Variants in MICAL2 observed in about 807,000 individuals in gnomAD.
The protein encoded by MICAL2 is microtubule associated monooxygenase, calponin and LIM domain containing 2.
A neutral mutation model predicts 127.3 loss-of-function variants in MICAL2; 77 were observed. The observed-to-expected ratio is 0.60, with a 90% CI of 0.50 to 0.73. The LOEUF (loss-of-function observed/expected upper bound fraction) is 0.73, where lower values mean the gene tolerates loss of function less well. MICAL2 is among the 30% of genes least tolerant of loss of function. The probability of loss-of-function intolerance (pLI) is 0.00; values close to 1 mark genes in which losing one functional copy is unlikely to be tolerated. For missense variants in MICAL2, 1,351 were observed against 1,434.4 expected, an observed-to-expected ratio of 0.94 and a Z score of 0.94; for synonymous variants, 570 against 551.1, an observed-to-expected ratio of 1.03 and a Z score of -0.48.
At chr11:12,251,904 G>A (rs1181079892) in intron 22 of MICAL2, among the ~76,000 whole-genome samples, 3 of 152,168 alleles carry the variant, frequency 2.0e-5, no homozygotes, top group Admixed American at 6.5e-5. Flanking sequence ...TCTCATTAGG[G>A]ATTTGTATTA....
chr11:12,134,703 A>G (rs1851699869), intron 1 of MICAL2, among the ~76,000 whole-genome samples: 1 of 152,182 alleles, frequency 6.6e-6, no homozygotes. Context: ...AATGAGCTTA[A>G]GCAAAAATGG....
rs1854925433 is a variant in MICAL2 at position 12,162,403 on chromosome 11, C to G, written c.248C>G (p.Ser83Trp). The G allele has an allele frequency of 6.2e-7, 1 of 1,614,070 alleles. No homozygotes were observed. Among genetic ancestry groups the G allele is most frequent in the Non-Finnish European group, 8.5e-7 (1 of 1,180,036 alleles). The part of the protein sequence containing the change: ...GSHKEYKRGK[S>W]CTNTKCLIVG... The stretch of plus-strand genomic sequence containing the variant: ...CACAAAGAGTATAAGCGAGGGAAGT[C>G]GTGCACGAACACCAAGGTAAGGGGA... Residue 83 changes from serine to tryptophan, a missense_variant, in exon 3 of 28, where the codon TCG becomes TGG. Physicochemically the swap from Ser to Trp is radical, Grantham distance 177. Around this residue, in one of 2 missense-constraint regions of MICAL2, gnomAD observed 599 missense variants for 714.9 expected, o/e 0.84. Coordinates refer to ENST00000683283, the MANE Select transcript of MICAL2 (RefSeq NM_001282663.2).
exon 1 of MICAL2, chr11:12,276,152 C>T: frequency 5.0e-6 from 2 of 399,198 alleles, no homozygotes; most frequent in Non-Finnish European, 8.8e-6. Flanking sequence ...TCCTGGTCAC[C>T]AGCGAAGACA....
chr11:12,286,340 G>A (rs2134773365), intron 2 of MICAL2, among the ~76,000 whole-genome samples: 1 of 152,304 alleles, frequency 6.6e-6, no homozygotes, highest in Middle Eastern at 3.4e-3. Context: ...AGCAGCTCCA[G>A]TTTTTAATGT....
chr11:12,260,908 T>C, intron 26 of MICAL2: 1 of 985,438 alleles, frequency 1.0e-6, no homozygotes, highest in South Asian at 4.7e-5. Context: ...AAACATGCAT[T>C]TTCCCTTCCC....
intron 3 of MICAL2, among the ~76,000 whole-genome samples, chr11:12,181,186 C>T (rs865841418): frequency 6.6e-6 from 1 of 152,164 alleles, no homozygotes; most frequent in South Asian, 2.1e-4. Context: ...TCAGGTGGTC[C>T]ACCCACCTTG....
At chr11:12,124,969 T>C (rs1182557812) in intron 1 of MICAL2, among the ~76,000 whole-genome samples, 1 of 152,264 alleles carries the variant, frequency 6.6e-6, no homozygotes, top group Non-Finnish European at 1.5e-5. Flanking sequence ...TTGTGGGAAT[T>C]AGGGAACTAG....
In MICAL2 at chr11:12,262,254, A is replaced by G. The variant is rs140764263; in HGVS notation, c.3335-226A>G. On this transcript the variant is annotated intron_variant, in intron 26 of 27. Coordinates refer to ENST00000683283, the MANE Select transcript of MICAL2 (RefSeq NM_001282663.2). Reference sequence around the variant, plus strand: ...GAGAGGATATCAGGGAGCAAGATGCAAACTGTGTGCATCCACTCTCGTAAA... The same window carrying G: ...GAGAGGATATCAGGGAGCAAGATGCGAACTGTGTGCATCCACTCTCGTAAA... The G allele has an allele frequency of 3.9e-3, 5,468 of 1,409,052 alleles. 9 individuals are homozygous for G. Among genetic ancestry groups the G allele is most frequent in the Admixed American group, 6.0e-3 (200 of 33,568 alleles). The allele number at this position is 1,409,052 out of a possible 1,614,324, so 87.3% of individuals were successfully genotyped here.
chr11:12,339,789 C>T (rs1938829406), intron 32 of MICAL2, among the ~76,000 whole-genome samples: 1 of 152,166 alleles, frequency 6.6e-6, no homozygotes. Flanking sequence ...ATGCTGCTGC[C>T]TGATCGTTCC....
intron 3 of MICAL2, among the ~76,000 whole-genome samples, chr11:12,190,069 T>A (rs1369823292): frequency 5.9e-5 from 9 of 152,224 alleles, no homozygotes; most frequent in Non-Finnish European, 1.2e-4. Context: ...GTGACCCACA[T>A]GGAGTTATCA....
At chr11:12,251,577 TAAAAAAAA>T (rs536942703) in intron 22 of MICAL2, among the ~76,000 whole-genome samples, 1,763 of 93,840 alleles carry the variant, frequency 0.019, 49 homozygotes, top group African/African-American at 0.067. Context: ...CATTTCACTT[TAAAAAAAA>T]AAAAAAAAAA....
intron 2 of MICAL2, among the ~76,000 whole-genome samples, chr11:12,143,204 C>T (rs934992384): frequency 3.3e-5 from 5 of 152,120 alleles, no homozygotes; most frequent in South Asian, 2.1e-4. Flanking sequence ...AGGAGGCAGA[C>T]GGTTCTCCAA....
chr11:12,287,273 G>C, exon 3 of MICAL2: 1 of 396,630 alleles, frequency 2.5e-6, no homozygotes, highest in Admixed American at 4.4e-5. Context: ...CTCTGGCATG[G>C]CCTCCTGGTT....
chr11:12,209,674 A>C (rs550021835), intron 6 of MICAL2, 76 bp downstream of exon 6: 1 of 1,322,476 alleles, frequency 7.6e-7, no homozygotes, highest in Admixed American at 1.7e-5. Context: ...AGTTGGAGAA[A>C]GTGGGCAAGA....
chr11:12,347,484 A>C (rs1938973942), intron 32 of MICAL2, among the ~76,000 whole-genome samples: 1 of 152,192 alleles, frequency 6.6e-6, no homozygotes, highest in Non-Finnish European at 1.5e-5. Context: ...TCTGATAGAT[A>C]GATGTTATTA....
intron 30 of MICAL2, chr11:12,319,890 C>T (rs1864273729): frequency 9.6e-7 from 1 of 1,045,118 alleles, no homozygotes; most frequent in Non-Finnish European, 1.5e-6. Flanking sequence ...CCAATGTGGG[C>T]TCCAGCTGCA....
chr11:12,254,236 C>T (rs77172978), intron 22 of MICAL2: 10,003 of 152,292 alleles, frequency 0.066, 401 homozygotes, highest in Middle Eastern at 0.11. Flanking sequence ...CAGAGCCTGC[C>T]AAGTGCCAGG....
downstream of MICAL2, among the ~76,000 whole-genome samples, chr11:12,360,183 C>G (rs1939187092): frequency 1.6e-5 from 1 of 60,692 alleles, no homozygotes; most frequent in African/African-American, 2.9e-5. Flanking sequence ...TATGAGGAGG[C>G]ACCTACCTAC....
At chr11:12,151,099 G>A (rs1267309162) in intron 2 of MICAL2, among the ~76,000 whole-genome samples, 1 of 152,074 alleles carries the variant, frequency 6.6e-6, no homozygotes, top group East Asian at 1.9e-4. Flanking sequence ...TGGCTTCCAG[G>A]GACTCAAGAG....
Sources: allele counts gnomAD v4.1 joint callset (sites outside exome capture counted in the v4.1 genomes callset), GRCh38; gene constraint gnomAD v4.1.1; regional missense constraint gnomAD v4.1.1; transcripts MANE v1.5; gene names NCBI Gene and HGNC (gene_info 2026-07-23, HGNC 2026-07-21).